Variants in DBX2 observed in about 807,000 individuals in gnomAD.
The protein encoded by DBX2 is homeobox protein DBX2.
A neutral mutation model predicts 17.7 loss-of-function variants in DBX2; 16 were observed. The ratio of observed to expected loss-of-function variants is 0.90; its 90% CI spans 0.61 to 1.37. DBX2 has a LOEUF of 1.37. Ranked by LOEUF, DBX2 falls within the 40% of genes most tolerant of loss-of-function variation. The pLI, the probability that DBX2 is intolerant of heterozygous loss-of-function variation, is 0.00. For synonymous variants in DBX2, 255 were observed against 183.8 expected (o/e 1.39, Z -3.13); for missense variants, 538 against 433.8 (o/e 1.24, Z -2.13).
intron 2 of DBX2, among the ~76,000 whole-genome samples, chr12:45,030,849 C>T (rs1946405535): frequency 6.6e-6 from 1 of 152,170 alleles, no homozygotes; most frequent in Admixed American, 6.5e-5. Context: ...CCAAGGGCTA[C>T]CAATAACACT....
chr12:45,044,801 C>G (rs1392258668), intron 1 of DBX2, among the ~76,000 whole-genome samples: 1 of 151,956 alleles, frequency 6.6e-6, no homozygotes, highest in Non-Finnish European at 1.5e-5. Context: ...CAACTAATAG[C>G]TGGTTGACAA....
chr12:45,031,936 T>C (rs1946412958), intron 2 of DBX2, among the ~76,000 whole-genome samples: 1 of 152,158 alleles, frequency 6.6e-6, no homozygotes, highest in Non-Finnish European at 1.5e-5. Context: ...TTAGATTTCA[T>C]GTTATGCTCA....
At chr12:45,023,949 T>A (rs1413724900) in intron 2 of DBX2, 55 bp from the exon 3 acceptor site, 12 of 1,489,392 alleles carry the variant, frequency 8.1e-6, no homozygotes, top group Non-Finnish European at 1.1e-5. Context: ...AAGAAGTCAG[T>A]CTTTCCTAGG....
At chr12:45,050,197 A>T (rs1946521968) in intron 1 of DBX2, among the ~76,000 whole-genome samples, 1 of 152,166 alleles carries the variant, frequency 6.6e-6, no homozygotes, top group Non-Finnish European at 1.5e-5. Flanking sequence ...ACCCCTTGAG[A>T]CTGATCCAGG....
chr12:45,029,924 T>C (rs1437352000), intron 2 of DBX2, among the ~76,000 whole-genome samples: 2 of 112,754 alleles, frequency 1.8e-5, no homozygotes, highest in Non-Finnish European at 3.8e-5. Context: ...AAATAAAGAA[T>C]GACCTGGGAT....
chr12:45,042,721 C>T (rs1257572404), intron 1 of DBX2, among the ~76,000 whole-genome samples: 2 of 152,134 alleles, frequency 1.3e-5, no homozygotes, highest in Non-Finnish European at 2.9e-5. Flanking sequence ...CGGGATGCAG[C>T]GGAATAAAGA....
At chr12:45,023,941 G>T in intron 2 of DBX2, 47 bp from the exon 3 acceptor site, 2 of 1,507,606 alleles carry the variant, frequency 1.3e-6, no homozygotes, top group Non-Finnish European at 1.8e-6. Context: ...GCTTTAGAAA[G>T]AAGTCAGTCT....
chr12:45,037,909 A>G (rs1293463950), intron 1 of DBX2, among the ~76,000 whole-genome samples: 4 of 151,996 alleles, frequency 2.6e-5, no homozygotes, highest in Non-Finnish European at 5.9e-5. Flanking sequence ...GTTTGTTTTA[A>G]TGCTGTTTTG....
intron 1 of DBX2, among the ~76,000 whole-genome samples, chr12:45,049,027 AAGTAT>A (rs779182290): frequency 1.3e-5 from 2 of 152,202 alleles, no homozygotes; most frequent in African/African-American, 4.8e-5. Flanking sequence ...ATTTTGAAAT[AAGTAT>A]AGTAAATTAT....
intron 3 of DBX2, 21 bp from the exon 4 acceptor site, chr12:45,016,639 CA>C (rs767836830): frequency 1.3e-6 from 2 of 1,512,112 alleles, no homozygotes; most frequent in Non-Finnish European, 1.8e-6. Context: ...AATAATTGCA[CA>C]AAATGATCAC....
At chr12:45,027,306 A>G (rs1946386362) in intron 2 of DBX2, among the ~76,000 whole-genome samples, 1 of 152,230 alleles carries the variant, frequency 6.6e-6, no homozygotes, top group Non-Finnish European at 1.5e-5. Context: ...CCCTCACTAT[A>G]GATGAAGACG....
rs1375280230 is a variant in DBX2 at position 45,050,516 on chromosome 12, C to G, written c.403+9G>C. The G allele has an allele frequency of 6.5e-7, 1 of 1,547,976 alleles. No individual in the cohort carries two copies. The highest frequency in any genetic ancestry group is 2.5e-5 in the East Asian group (1 of 40,650). ...GCGCGGCTGGGGAGGGAGGGGAGAG[C>G]TGGCTCACCTGGCGCTGAAGGCTGG... On this transcript the variant is annotated intron_variant, in intron 1 of 3. Coordinates refer to ENST00000332700, the MANE Select transcript of DBX2 (RefSeq NM_001004329.3).
intron 3 of DBX2, among the ~76,000 whole-genome samples, chr12:45,019,288 G>A (rs1360148564): frequency 6.6e-6 from 1 of 151,692 alleles, no homozygotes; most frequent in African/African-American, 2.4e-5. Flanking sequence ...TCAATAAAAA[G>A]ACAATATGAT....
intron 1 of DBX2, among the ~76,000 whole-genome samples, chr12:45,046,518 C>G (rs535461323): frequency 6.6e-6 from 1 of 152,284 alleles, no homozygotes; most frequent in South Asian, 2.1e-4. Flanking sequence ...ACAGAAAGCT[C>G]AAATTCGGAC....
intron 1 of DBX2, among the ~76,000 whole-genome samples, chr12:45,044,068 A>G (rs1376905496): frequency 6.6e-6 from 1 of 151,958 alleles, no homozygotes; most frequent in East Asian, 1.9e-4. Flanking sequence ...TACACGTTGG[A>G]GCAAGCGCTG....
At chr12:45,016,790 T>C (rs1946326334) in intron 3 of DBX2, among the ~76,000 whole-genome samples, 172 bp from the exon 4 acceptor site, 1 of 150,436 alleles carries the variant, frequency 6.6e-6, no homozygotes, top group East Asian at 1.9e-4. Flanking sequence ...TATCCCATTG[T>C]ATTTTATTTT....
At chr12:45,042,298 A>T (rs189957593) in intron 1 of DBX2, among the ~76,000 whole-genome samples, 1 of 152,350 alleles carries the variant, frequency 6.6e-6, no homozygotes, top group Admixed American at 6.5e-5. Context: ...CTACTGAAAT[A>T]CAGAATAAAA....
At position 45,015,686 on chromosome 12, in the gene DBX2, A is replaced by G; in HGVS notation, c.*600T>C. 6.6e-6 allele frequency: 1 copy of G among 152,198 alleles called. No individual in the cohort carries two copies. Among genetic ancestry groups the G allele is most frequent in the East Asian group, 1.9e-4 (1 of 5,198 alleles). The allele number at this position is 152,198 out of a possible 1,614,324, so 9.4% of individuals were successfully genotyped here. ...AATTTGCTTGTTAGGTTCATTTTAA[A>G]TATATATTCTCAGTGTATGTATCTA... On this transcript the variant is annotated 3_prime_UTR_variant, in exon 4 of 4. Transcript: ENST00000332700.
At position 45,023,846 on chromosome 12, in the gene DBX2, G is replaced by A. The variant is rs1156354174; in HGVS notation, c.548C>T (p.Ala183Val). ...AGCTCTTCTTAAAATGCCCCTCCGA[G>A]CTTTGGAATTAGAGTCCTGTGTCAG... The part of the protein sequence containing the change: ...PLLTQDSNSK[A>V]RRGILRRAVF... The change falls in exon 3 of 4, where the codon GCT (alanine) becomes GTT (valine). Residue 183 changes from alanine (A) to valine (V), a missense_variant. Physicochemically the swap from Ala to Val is moderately conservative, Grantham distance 64 (BLOSUM62 0). Transcript: ENST00000332700. 7 of 1,602,984 alleles carry A rather than the reference G, an allele frequency of 4.4e-6. No individual in the cohort carries two copies. The highest frequency in any genetic ancestry group is 1.1e-5 in the South Asian group (1 of 88,754).
Sources: gnomAD v4.1 joint callset for allele counts (sites outside exome capture counted in the v4.1 genomes callset) on GRCh38, gnomAD v4.1.1 for gene constraint, MANE v1.5 for transcripts, NCBI Gene and HGNC (gene_info 2026-07-23, HGNC 2026-07-21) for gene names.